The following PTPRD variants were observed in gnomAD, a reference collection of about 807,000 sequenced individuals.
PTPRD encodes the protein receptor-type tyrosine-protein phosphatase delta.
PTPRD carries 34 observed loss-of-function variants against 214.5 expected under a neutral mutation model. The ratio of observed to expected loss-of-function variants is 0.16; its 90% CI spans 0.12 to 0.21. The LOEUF (loss-of-function observed/expected upper bound fraction) is 0.21. Ranked by LOEUF, PTPRD falls within the 10% of genes least tolerant of loss-of-function variation. The pLI is 1.00. For synonymous variants in PTPRD, 1,128 were observed against 845.7 expected (o/e 1.33, Z -5.79); for missense variants, 2,545 against 2,398.7 (o/e 1.06, Z -1.27).
chr9:10,042,824 A>C (rs2097321936), intron 3 of PTPRD, among the ~76,000 whole-genome samples: 1 of 151,978 alleles, frequency 6.6e-6, no homozygotes, highest in Admixed American at 6.6e-5. Flanking sequence ...AATTTTAAAA[A>C]TCTTGACAAT....
At chr9:9,565,143 G>C (rs1034221041) in intron 8 of PTPRD, among the ~76,000 whole-genome samples, 1 of 151,608 alleles carries the variant, frequency 6.6e-6, no homozygotes, top group African/African-American at 2.4e-5. Context: ...AAAAGGTTTT[G>C]TAAAGTGGAA....
intron 11 of PTPRD, among the ~76,000 whole-genome samples, chr9:8,979,767 A>T (rs758425699): frequency 2.6e-5 from 4 of 152,140 alleles, no homozygotes; most frequent in Non-Finnish European, 4.4e-5. Context: ...AAAAAGGAAC[A>T]TTAGTACACT....
chr9:9,775,779 T>G (rs973923283), intron 5 of PTPRD, among the ~76,000 whole-genome samples: 1 of 151,878 alleles, frequency 6.6e-6, no homozygotes, highest in African/African-American at 2.4e-5. Flanking sequence ...CAGTCTCTAC[T>G]GAAAATAGAA....
At chr9:10,275,027 G>A (rs1240750427) in intron 3 of PTPRD, among the ~76,000 whole-genome samples, 1 of 152,074 alleles carries the variant, frequency 6.6e-6, no homozygotes, top group African/African-American at 2.4e-5. Context: ...GTACAGTTAA[G>A]TAAAAGGGCT....
At chr9:10,490,048 G>C (rs914263142) in intron 2 of PTPRD, among the ~76,000 whole-genome samples, 1 of 152,124 alleles carries the variant, frequency 6.6e-6, no homozygotes, top group Non-Finnish European at 1.5e-5. Flanking sequence ...GTCCTTGTCA[G>C]GGAAGAGAAT....
intron 43 of PTPRD, among the ~76,000 whole-genome samples, chr9:8,337,377 A>C (rs1482237283): frequency 6.6e-6 from 1 of 151,968 alleles, no homozygotes; most frequent in Non-Finnish European, 1.5e-5. Context: ...CAAACACTGC[A>C]CTCAAAAGTG....
intron 2 of PTPRD, among the ~76,000 whole-genome samples, chr9:10,460,691 G>C (rs114462274): frequency 1.3e-5 from 2 of 151,974 alleles, no homozygotes; most frequent in Admixed American, 6.6e-5. Context: ...TGACATATCC[G>C]AGACAATGAA....
At chr9:9,413,481 A>T (rs1324291848) in intron 8 of PTPRD, among the ~76,000 whole-genome samples, 1 of 152,212 alleles carries the variant, frequency 6.6e-6, no homozygotes, top group African/African-American at 2.4e-5. Flanking sequence ...AATGATTTGC[A>T]CAAATACAAT....
intron 35 of PTPRD, among the ~76,000 whole-genome samples, chr9:8,411,871 T>C (rs1393556658): frequency 6.6e-6 from 1 of 152,220 alleles, no homozygotes; most frequent in Non-Finnish European, 1.5e-5. Context: ...GAATAGAATG[T>C]GTCATTGGAA....
At chr9:9,524,737 C>A (rs150800202) in intron 8 of PTPRD, among the ~76,000 whole-genome samples, 135 of 152,232 alleles carry the variant, frequency 8.9e-4, no homozygotes, top group African/African-American at 3.2e-3. Context: ...GATTTTAATG[C>A]TTTTCGATTT....
At chr9:8,392,644 T>C (rs2089978184) in intron 36 of PTPRD, among the ~76,000 whole-genome samples, 1 of 152,182 alleles carries the variant, frequency 6.6e-6, no homozygotes, top group East Asian at 1.9e-4. Flanking sequence ...CTAAGATTCC[T>C]CTTATAGTTT....
At chr9:9,556,162 T>C (rs969540408) in intron 8 of PTPRD, among the ~76,000 whole-genome samples, 1 of 152,160 alleles carries the variant, frequency 6.6e-6, no homozygotes, top group Non-Finnish European at 1.5e-5. Flanking sequence ...TATATTGTAT[T>C]ATTAAAATAA....
intron 2 of PTPRD, among the ~76,000 whole-genome samples, chr9:10,364,974 C>T (rs529626582): frequency 1.9e-4 from 29 of 152,274 alleles, no homozygotes; most frequent in African/African-American, 7.0e-4. Context: ...AAGCGCTGTG[C>T]TGAATGATAT....
chr9:9,676,078 T>C (rs545021094), intron 7 of PTPRD, among the ~76,000 whole-genome samples: 72 of 152,264 alleles, frequency 4.7e-4, no homozygotes, highest in Middle Eastern at 6.8e-3. Flanking sequence ...TATCTCAAAA[T>C]ATATTCTAAA....
At chr9:8,649,029 T>G (rs1021679016) in intron 12 of PTPRD, among the ~76,000 whole-genome samples, 2 of 152,198 alleles carry the variant, frequency 1.3e-5, no homozygotes, top group African/African-American at 2.4e-5. Context: ...ACTGGCTTAT[T>G]TGAAAAGGAA....
At chr9:9,420,459 T>A (rs1040062078) in intron 8 of PTPRD, among the ~76,000 whole-genome samples, 1 of 151,912 alleles carries the variant, frequency 6.6e-6, no homozygotes, top group Non-Finnish European at 1.5e-5. Flanking sequence ...CTTAAAGTAG[T>A]ACTTCTATAC....
At chr9:10,343,475 T>A (rs2096986128) in intron 2 of PTPRD, among the ~76,000 whole-genome samples, 1 of 152,174 alleles carries the variant, frequency 6.6e-6, no homozygotes, top group South Asian at 2.1e-4. Context: ...TGATTTATAA[T>A]CCTTTGGGTA....
intron 2 of PTPRD, among the ~76,000 whole-genome samples, chr9:10,345,154 C>A (rs1412992433): frequency 1.3e-5 from 2 of 151,936 alleles, no homozygotes; most frequent in Admixed American, 1.3e-4. Context: ...ATTTACTGGG[C>A]AAATTCAAAA....
rs569558914 is a variant in PTPRD at position 8,439,398 on chromosome 9, T to C, written c.3989-2709A>G. On this transcript the variant is annotated intron_variant, in intron 34 of 45. Transcript: ENST00000381196. ...GAACTTCTGAACAGAGAAGGGTCTATTGGTGCATATGTAAGGGTTCTAAAA... is the reference window on the plus strand; with the variant it reads ...GAACTTCTGAACAGAGAAGGGTCTACTGGTGCATATGTAAGGGTTCTAAAA... Among the ~76,000 whole-genome samples, 106 of 152,364 alleles carry C rather than the reference T, an allele frequency of 7.0e-4. 1 individual carries two copies. The highest frequency in any genetic ancestry group is 1.3e-3 in the Non-Finnish European group (86 of 68,032).
Sources: gnomAD v4.1 joint callset for allele counts (sites outside exome capture counted in the v4.1 genomes callset) on GRCh38, gnomAD v4.1.1 for gene constraint, MANE v1.5 for transcripts, NCBI Gene and HGNC (gene_info 2026-07-23, HGNC 2026-07-21) for gene names.